The following NME9 variants were observed in gnomAD, a reference collection of about 807,000 sequenced individuals.
NME9 encodes thioredoxin domain-containing protein 6.
In NME9, 48 loss-of-function variants were observed where a neutral mutation model predicts 44.4. That is an observed-to-expected ratio of 1.08 (90% CI 0.86 to 1.37). The LOEUF (loss-of-function observed/expected upper bound fraction) is 1.37. NME9 is among the 40% of genes most tolerant of loss of function. NME9 has a pLI of 0.00. For missense variants in NME9, 325 were observed against 405.2 expected (o/e 0.80, Z 1.70); for synonymous variants, 139 against 147.1 (o/e 0.94, Z 0.40).
intron 8 of NME9, chr3:138,290,464 T>G: frequency 9.6e-7 from 1 of 1,039,778 alleles, no homozygotes. Flanking sequence ...AGGACACTGG[T>G]AAGGCTCTAG....
At chr3:138,325,075 C>A in intron 1 of NME9, 145 bp from the exon 2 acceptor site, 1 of 660,748 alleles carries the variant, frequency 1.5e-6, no homozygotes, top group African/African-American at 1.8e-5. Context: ...CTTCTTTTCT[C>A]CTTCCTTCTC....
rs566011259 is a variant in NME9, at chr3:138,308,963, A to C, written c.461-2483T>G. Among the ~76,000 whole-genome samples, 687 of 150,650 alleles carry C rather than the reference A, an allele frequency of 4.6e-3. 9 individuals carry two copies. The highest frequency in any genetic ancestry group is 0.016 in the East Asian group (82 of 5,160). ...ACTGAAAGAAAAAAAAAAAAAAAAA[A>C]AAAAAACTGTCATCCAAGAATACTG... On this transcript the variant is annotated intron_variant, in intron 6 of 10. Coordinates refer to ENST00000333911, the MANE Select transcript of NME9 (RefSeq NM_001349018.2).
intron 1 of NME9, among the ~76,000 whole-genome samples, chr3:138,328,866 G>C (rs1427123843): frequency 2.6e-5 from 4 of 152,098 alleles, no homozygotes; most frequent in African/African-American, 9.7e-5. Flanking sequence ...GGAAAACTGG[G>C]TCTCCACAGA....
chr3:138,329,548 A>T lies in NME9; in HGVS notation c.-213T>A. ...CACCCCGCGAGGAAGCGGAGCCTGC[A>T]GTCCACGGGCTCGTGGCTCGCCGGG... On this transcript the variant is annotated 5_prime_UTR_variant, in exon 1 of 11. Coordinates refer to ENST00000333911, the MANE Select transcript of NME9 (RefSeq NM_001349018.2). 1 of 1,352,846 alleles carries T rather than the reference A, an allele frequency of 7.4e-7. No homozygotes were observed. Among genetic ancestry groups the T allele is most frequent in the Non-Finnish European group, 9.5e-7 (1 of 1,055,936 alleles). The allele number at this position is 1,352,846 out of a possible 1,614,324, so 83.8% of individuals were successfully genotyped here.
At chr3:138,327,900 C>A (rs2053893826) in intron 1 of NME9, among the ~76,000 whole-genome samples, 1 of 152,172 alleles carries the variant, frequency 6.6e-6, no homozygotes, top group African/African-American at 2.4e-5. Context: ...AGGGCATCAA[C>A]ACATGAAATG....
downstream of NME9, among the ~76,000 whole-genome samples, chr3:138,298,642 C>T (rs1461856043): frequency 6.6e-6 from 1 of 152,120 alleles, no homozygotes; most frequent in Admixed American, 6.5e-5. Flanking sequence ...CAAGATATCC[C>T]ATCCCCAATA....
chr3:138,311,060 A>C (rs916955712), intron 6 of NME9, among the ~76,000 whole-genome samples: 5 of 152,202 alleles, frequency 3.3e-5, no homozygotes, highest in African/African-American at 1.2e-4. Flanking sequence ...AAATGGAGAC[A>C]TAACAACTGG....
intron 4 of NME9, among the ~76,000 whole-genome samples, chr3:138,317,439 T>A (rs2053165037): frequency 6.6e-6 from 1 of 152,148 alleles, no homozygotes; most frequent in South Asian, 2.1e-4. Flanking sequence ...TCCATTGCCA[T>A]CCGAGCCTGG....
At chr3:138,305,585 G>A (rs1049143629) in intron 8 of NME9, among the ~76,000 whole-genome samples, 1 of 152,104 alleles carries the variant, frequency 6.6e-6, no homozygotes, top group African/African-American at 2.4e-5. Context: ...CCCAAGCTAA[G>A]CCAAGAAGAC....
chr3:138,326,979 TAA>T (rs60371178), intron 1 of NME9: 59 of 73,428 alleles, frequency 8.0e-4, no homozygotes, highest in South Asian at 6.0e-3. Flanking sequence ...CTGCCTCTAC[TAA>T]AAAAAAAAAA....
intron 8 of NME9, 96 bp from the exon 9 acceptor site, chr3:138,305,123 T>G: frequency 8.6e-7 from 1 of 1,167,380 alleles, no homozygotes; most frequent in Non-Finnish European, 1.2e-6. Context: ...GGGAGGGAGT[T>G]AGTGAGCAGC....
At chr3:138,313,636 G>A (rs947262899) in intron 6 of NME9, among the ~76,000 whole-genome samples, 2 of 152,056 alleles carry the variant, frequency 1.3e-5, no homozygotes, top group Non-Finnish European at 1.5e-5. Context: ...CAGTATTCAC[G>A]GTAGCCAAAA....
chr3:138,326,387 A>G (rs1399293716), intron 1 of NME9, among the ~76,000 whole-genome samples: 2 of 152,164 alleles, frequency 1.3e-5, no homozygotes, highest in African/African-American at 2.4e-5. Context: ...GTGGTGAGCT[A>G]CTTTGAAACT....
chr3:138,295,410 C>G (rs1217185382), intron 8 of NME9, among the ~76,000 whole-genome samples: 1 of 152,242 alleles, frequency 6.6e-6, no homozygotes, highest in Non-Finnish European at 1.5e-5. Flanking sequence ...CTAATCACCT[C>G]AACACCATTT....
intron 8 of NME9, chr3:138,287,556 A>G (rs148609121): frequency 4.4e-6 from 2 of 451,422 alleles, no homozygotes; most frequent in African/African-American, 2.0e-5. Flanking sequence ...AGTATATACA[A>G]GCTCATTTAT....
In NME9 at chr3:138,302,357, A is replaced by C. The variant is rs534626208; in HGVS notation, c.929-653T>G. 6.0e-4 allele frequency among the ~76,000 whole-genome samples: 92 copies of C among 152,304 alleles called. 1 individual carries two copies. Among genetic ancestry groups the C allele is most frequent in the Admixed American group, 5.9e-3 (91 of 15,298 alleles). ...GATCTTCCAGCACTCCCAACAGCCC[A>C]GTGAGAACTTCCCAGCCACCTGCCA... On this transcript the variant is annotated intron_variant, in intron 10 of 10. Coordinates refer to ENST00000333911, the MANE Select transcript of NME9 (RefSeq NM_001349018.2).
chr3:138,294,181 T>TA (rs1230716142), intron 8 of NME9, among the ~76,000 whole-genome samples: 1 of 152,226 alleles, frequency 6.6e-6, no homozygotes, highest in East Asian at 1.9e-4. Flanking sequence ...TTAAGTACAG[T>TA]AAGGTCTATC....
At chr3:138,312,371 C>T (rs557443185) in intron 6 of NME9, among the ~76,000 whole-genome samples, 32 of 152,144 alleles carry the variant, frequency 2.1e-4, no homozygotes, top group Non-Finnish European at 4.4e-4. Context: ...TCAGATTATA[C>T]TACAAAGCTA....
At position 138,319,505 on chromosome 3, in the gene NME9, G is replaced by A. The variant is rs749514682; in HGVS notation, c.168C>T (p.Val56=). ...VSLFQKMRIE[V]GLDLLHFALA... ...ATGCAAAGTGCAGAAGGTCCAGGCC[G>A]ACCTCGATCCTCATCTTCTGGAAGA... Residue 56 remains valine, a synonymous_variant, in exon 3 of 11, where the codon GTC becomes GTT. Coordinates refer to ENST00000333911, the MANE Select transcript of NME9 (RefSeq NM_001349018.2). The A allele has an allele frequency of 1.2e-4, 189 of 1,611,616 alleles. No individual in the cohort carries two copies. The highest frequency in any genetic ancestry group is 1.0e-3 in the East Asian group (46 of 44,866).
Sources: gnomAD v4.1 joint callset for allele counts (sites outside exome capture counted in the v4.1 genomes callset) on GRCh38, gnomAD v4.1.1 for gene constraint, MANE v1.5 for transcripts, NCBI Gene and HGNC (gene_info 2026-07-23, HGNC 2026-07-21) for gene names.